The following PRDM11 variants were observed in gnomAD, a reference collection of about 807,000 sequenced individuals.
PRDM11 encodes the protein PR domain-containing protein 11.
PRDM11 carries 20 observed loss-of-function variants against 97.8 expected under a neutral mutation model. The ratio of observed to expected loss-of-function variants is 0.20; its 90% CI spans 0.14 to 0.30. PRDM11 has a LOEUF of 0.30. Ranked by LOEUF, PRDM11 falls within the 10% of genes least tolerant of loss-of-function variation. The pLI is 1.00. For synonymous variants in PRDM11, 599 were observed against 637.7 expected, an observed-to-expected ratio of 0.94 and a Z score of 0.91; for missense variants, 1,139 against 1,555.2, an observed-to-expected ratio of 0.73 and a Z score of 4.50.
intron 5 of PRDM11, among the ~76,000 whole-genome samples, chr11:45,211,006 G>A (rs1202955534): frequency 1.3e-5 from 2 of 152,178 alleles, no homozygotes; most frequent in African/African-American, 2.4e-5. Flanking sequence ...GGGAGCCCGA[G>A]TGTGCCATCA....
intron 1 of PRDM11, among the ~76,000 whole-genome samples, chr11:45,104,694 C>T (rs1004720272): frequency 3.9e-5 from 6 of 152,186 alleles, no homozygotes; most frequent in African/African-American, 1.2e-4. Flanking sequence ...GGCCTAAAAC[C>T]TGCCCAGAAA....
In PRDM11 at chr11:45,219,869, A is replaced by G. The variant is rs1730115102; in HGVS notation, c.742+112A>G. On this transcript the variant is annotated intron_variant, in intron 6 of 7. Coordinates refer to ENST00000683152, the MANE Select transcript of PRDM11 (RefSeq NM_001384648.1). The surrounding 1 kb of genome is among the most constrained non-coding windows in gnomAD (Gnocchi z 4.2). ...ACGGTTCCCAGCAATGGGAAGACCC[A>G]GAGTGATTCGGGGGAACAGATGGTT... The G allele has an allele frequency of 4.7e-6, 6 of 1,290,064 alleles. No homozygotes were observed. The South Asian group carries it at 7.5e-5, about 16-fold the overall frequency. 79.9% of individuals were successfully genotyped at this position (1,290,064 alleles called of 1,614,324 possible). A position where few individuals can be genotyped will look rare whatever the true frequency, so the allele number is the denominator to read the frequency against.
chr11:45,152,932 A>G (rs1303590369), intron 1 of PRDM11, among the ~76,000 whole-genome samples: 1 of 152,194 alleles, frequency 6.6e-6, no homozygotes, highest in Admixed American at 6.5e-5. Context: ...TTTTATGAGG[A>G]GGAAGCTGAC....
At chr11:45,154,591 G>A (rs910819594) in intron 1 of PRDM11, among the ~76,000 whole-genome samples, 1 of 152,164 alleles carries the variant, frequency 6.6e-6, no homozygotes. Context: ...AGTGGTAGGG[G>A]GGTCCCTGCT....
At chr11:45,145,528 T>TG (rs1465555506), upstream of PRDM11, among the ~76,000 whole-genome samples, 4 of 152,212 alleles carry the variant, frequency 2.6e-5, no homozygotes, top group Non-Finnish European at 5.9e-5. Flanking sequence ...GGGGGCCGTC[T>TG]GGGCAACTCT....
intron 1 of PRDM11, among the ~76,000 whole-genome samples, chr11:45,157,223 T>G (rs1851819713): frequency 6.6e-6 from 1 of 152,066 alleles, no homozygotes; most frequent in Non-Finnish European, 1.5e-5. Flanking sequence ...AGGACAATTT[T>G]TCCATGGACG....
In PRDM11 at chr11:45,181,887, T is replaced by C. The variant is rs896676599; in HGVS notation, c.119+2T>C. On this transcript the variant is annotated splice_donor_variant, in intron 2 of 7. Coordinates refer to ENST00000683152, the MANE Select transcript of PRDM11 (RefSeq NM_001384648.1). LOFTEE classifies it high-confidence loss of function. Reference sequence around the variant, plus strand: ...AGACCAGGAGTATGGCCAGCCCTGGTGAGGCCCCTGTGTGGGAACTGGAGA... The same window carrying C: ...AGACCAGGAGTATGGCCAGCCCTGGCGAGGCCCCTGTGTGGGAACTGGAGA... 6.2e-7 allele frequency: 1 copy of C among 1,610,508 alleles called. No individual in the cohort carries two copies. The highest frequency in any genetic ancestry group is 1.3e-5 in the African/African-American group (1 of 74,828).
chr11:45,175,390 A>G (rs780432628), intron 1 of PRDM11, among the ~76,000 whole-genome samples: 3 of 152,188 alleles, frequency 2.0e-5, no homozygotes, highest in Admixed American at 1.3e-4. Context: ...ATCATACAGT[A>G]TGTACCCTTT....
At chr11:45,096,595 A>G (rs897502170) in intron 1 of PRDM11, among the ~76,000 whole-genome samples, 1 of 152,084 alleles carries the variant, frequency 6.6e-6, no homozygotes, top group Non-Finnish European at 1.5e-5. Flanking sequence ...GATAAAAGAC[A>G]TCCTCAGATG....
chr11:45,193,960 C>A (rs1853007705), intron 4 of PRDM11, among the ~76,000 whole-genome samples: 1 of 152,236 alleles, frequency 6.6e-6, no homozygotes, highest in South Asian at 2.1e-4. Flanking sequence ...GGAGCAAGGG[C>A]TCCCTGGGGG....
At chr11:45,191,034 T>C (rs896897894) in intron 4 of PRDM11, among the ~76,000 whole-genome samples, 1 of 152,234 alleles carries the variant, frequency 6.6e-6, no homozygotes, top group African/African-American at 2.4e-5. Flanking sequence ...TTTGTGGTTT[T>C]TTCCCCATCC....
At chr11:45,133,441 C>G (rs754989619) in intron 1 of PRDM11, among the ~76,000 whole-genome samples, 1 of 152,250 alleles carries the variant, frequency 6.6e-6, no homozygotes, top group Non-Finnish European at 1.5e-5. Context: ...ATTCTCATAA[C>G]TTTCTGGCCA....
At chr11:45,222,556 G>T (rs886564964) in intron 6 of PRDM11, among the ~76,000 whole-genome samples, 1 of 152,212 alleles carries the variant, frequency 6.6e-6, no homozygotes, top group East Asian at 1.9e-4. Flanking sequence ...AGTGCAGGCT[G>T]TGGGGAGCTG....
chr11:45,181,272 C>G (rs1431601873), intron 1 of PRDM11, among the ~76,000 whole-genome samples: 1 of 152,200 alleles, frequency 6.6e-6, no homozygotes, highest in Non-Finnish European at 1.5e-5. Context: ...CTGCTCTGAG[C>G]TGGCAAAGGG....
chr11:45,182,453 C>T (rs1261392843), intron 3 of PRDM11, 104 bp downstream of exon 3: 1 of 1,038,696 alleles, frequency 9.6e-7, no homozygotes, highest in African/African-American at 1.6e-5. Flanking sequence ...TCCTCACCTG[C>T]AATATACCAG....
intron 1 of PRDM11, among the ~76,000 whole-genome samples, chr11:45,124,191 AT>A (rs1269885751): frequency 2.0e-5 from 3 of 151,814 alleles, no homozygotes; most frequent in African/African-American, 7.3e-5. Context: ...TTGTACATTG[AT>A]TTTGTATCCT....
intron 1 of PRDM11, among the ~76,000 whole-genome samples, chr11:45,165,453 G>A (rs1852039628): frequency 6.6e-6 from 1 of 152,236 alleles, no homozygotes; most frequent in African/African-American, 2.4e-5. Flanking sequence ...CTCTGAGGCT[G>A]GGTTCTCAGG....
chr11:45,110,687 G>T (rs896149410), intron 1 of PRDM11, among the ~76,000 whole-genome samples: 93 of 152,338 alleles, frequency 6.1e-4, no homozygotes, highest in African/African-American at 2.0e-3. Context: ...GCAAGGCCTC[G>T]CTTGCTCTAT....
At chr11:45,142,950 G>T (rs779568182), upstream of PRDM11, among the ~76,000 whole-genome samples, 7 of 152,212 alleles carry the variant, frequency 4.6e-5, no homozygotes, top group Non-Finnish European at 7.3e-5. Flanking sequence ...GAGCCAGTAG[G>T]ATTAGAAGCA....
Sources: gnomAD v4.1 joint callset for allele counts (sites outside exome capture counted in the v4.1 genomes callset) on GRCh38, gnomAD v4.1.1 for gene constraint, Gnocchi (gnomAD v3.1) non-coding constraint, MANE v1.5 for transcripts, NCBI Gene and HGNC (gene_info 2026-07-23, HGNC 2026-07-21) for gene names.